PTPN14: variants seen among roughly 807,000 people sequenced by gnomAD.
PTPN14 encodes the protein tyrosine-protein phosphatase non-receptor type 14.
Under a neutral mutation model 126.8 loss-of-function variants are expected in PTPN14, and 53 were observed. The observed-to-expected ratio is 0.42, with a 90% CI of 0.34 to 0.53. The LOEUF is 0.53. PTPN14 is among the 20% of genes least tolerant of loss of function. The pLI, the probability that PTPN14 is intolerant of heterozygous loss-of-function variation, is 0.08. For missense variants in PTPN14, 1,257 were observed against 1,552.9 expected (o/e 0.81, Z 3.20); for synonymous variants, 630 against 599.3 (o/e 1.05, Z -0.75).
intron 3 of PTPN14, among the ~76,000 whole-genome samples, chr1:214,449,632 A>G (rs1005193875): frequency 6.6e-6 from 1 of 152,182 alleles, no homozygotes; most frequent in Admixed American, 6.5e-5. Context: ...AAATCATCAC[A>G]TTTTGAGGAG....
chr1:214,374,864 GA>G (rs1157360820), intron 15 of PTPN14, among the ~76,000 whole-genome samples: 1 of 152,122 alleles, frequency 6.6e-6, no homozygotes, highest in Non-Finnish European at 1.5e-5. Context: ...CTGGCCAAAA[GA>G]AGAAGATAAT....
chr1:214,486,907 G>C (rs1661125487), intron 1 of PTPN14, among the ~76,000 whole-genome samples: 1 of 39,812 alleles, frequency 2.5e-5, no homozygotes, highest in African/African-American at 1.6e-4. Context: ...CCGTAAATCT[G>C]GAAAAGTTGA....
rs1655376624 is a variant in PTPN14, at chr1:214,525,777, T to C, written c.-155+25406A>G. ...GCCTAAAACCAAAATAGCTAATTAG[T>C]GACTTGGGACTCAGGTTTCTGAAAT... is the stretch of plus-strand genomic sequence containing the variant. On this transcript the variant is annotated intron_variant, in intron 1 of 18. Transcript: ENST00000366956. Among the ~76,000 whole-genome samples the C allele has an allele frequency of 3.3e-5, 5 of 152,060 alleles. No individual in the cohort carries two copies. The South Asian group carries it at 1.0e-3, about 32-fold the overall frequency.
At chr1:214,361,740 C>T (rs11589160) in intron 18 of PTPN14, among the ~76,000 whole-genome samples, 176 of 152,290 alleles carry the variant, frequency 1.2e-3, no homozygotes, top group Non-Finnish European at 2.0e-3. Flanking sequence ...GACCATAAAA[C>T]GAGTGCTTTC....
intron 3 of PTPN14, among the ~76,000 whole-genome samples, chr1:214,436,786 CAAAAA>C (rs1159209240): frequency 2.1e-5 from 1 of 46,646 alleles, no homozygotes; most frequent in African/African-American, 7.7e-5. Context: ...GACTCCGTCT[CAAAAA>C]AAAAAAAAAA....
intron 3 of PTPN14, among the ~76,000 whole-genome samples, chr1:214,438,499 C>G (rs1464838392): frequency 6.6e-6 from 1 of 152,138 alleles, no homozygotes; most frequent in Non-Finnish European, 1.5e-5. Context: ...GAATTAGGGA[C>G]AAATTTGAAG....
rs1047037932 is a variant in PTPN14 at position 214,449,594 on chromosome 1, T to C, written c.344+2211A>G. ...GCTGTGTTCCTAGCACCGTGTAAAG[T>C]ACTCAAGGAGGATTCAAAAGCCAAC... On this transcript the variant is annotated intron_variant, in intron 3 of 18. Transcript: ENST00000366956. Among the ~76,000 whole-genome samples, 3 of 152,218 alleles carry C rather than the reference T, an allele frequency of 2.0e-5. 1 individual carries two copies. In the South Asian group the frequency reaches 6.2e-4, roughly 32 times the overall value.
chr1:214,538,494 G>A (rs1655761615), intron 1 of PTPN14, among the ~76,000 whole-genome samples: 3 of 152,200 alleles, frequency 2.0e-5, no homozygotes, highest in Admixed American at 6.5e-5. Flanking sequence ...GCCAAAGATA[G>A]GAGTGGGGAA....
chr1:214,445,735 T>A lies in PTPN14; in HGVS notation c.344+6070A>T, dbSNP rs199772673. ...GGAAGACTTGGAAAAACCCCAGACC[T>A]AAACTAAAAGCAGTGATCTTGGCCA... is the stretch of plus-strand genomic sequence containing the variant. On this transcript the variant is annotated intron_variant, in intron 3 of 18. Transcript: ENST00000366956. Among the ~76,000 whole-genome samples, 7 of 152,256 alleles carry A rather than the reference T, an allele frequency of 4.6e-5. No individual in the cohort carries two copies. In the East Asian group the frequency reaches 1.4e-3, roughly 29 times the overall value.
intron 1 of PTPN14, among the ~76,000 whole-genome samples, chr1:214,512,063 A>G (rs539562224): frequency 2.0e-4 from 31 of 152,158 alleles, no homozygotes; most frequent in Non-Finnish European, 3.8e-4. Context: ...TTAGAGGGCT[A>G]GTAAATTCTG....
At chr1:214,452,456 A>G (rs977351024) in intron 2 of PTPN14, among the ~76,000 whole-genome samples, 2 of 152,236 alleles carry the variant, frequency 1.3e-5, no homozygotes, top group African/African-American at 2.4e-5. Flanking sequence ...ATTTTCATAC[A>G]GTACCAGATT....
chr1:214,539,663 G>A (rs1435385602), intron 1 of PTPN14, among the ~76,000 whole-genome samples: 2 of 152,156 alleles, frequency 1.3e-5, no homozygotes, highest in East Asian at 3.8e-4. Flanking sequence ...GGAAGGAAGG[G>A]AAGAAGGAGG....
chr1:214,414,082 T>A (rs1244337065), intron 4 of PTPN14, among the ~76,000 whole-genome samples: 3 of 152,100 alleles, frequency 2.0e-5, no homozygotes, highest in African/African-American at 7.2e-5. Context: ...ACATAACAAT[T>A]TAGAGAAGGC....
intron 3 of PTPN14, among the ~76,000 whole-genome samples, chr1:214,422,238 A>G (rs1659560986): frequency 6.6e-6 from 1 of 152,208 alleles, no homozygotes; most frequent in South Asian, 2.1e-4. Flanking sequence ...CTACTCATTC[A>G]GTGTGAAATG....
At position 214,376,324 on chromosome 1, in the gene PTPN14, G is replaced by A. The variant is rs373145053; in HGVS notation, c.2802C>T (p.Ala934=). The A allele has an allele frequency of 2.0e-5, 33 of 1,614,004 alleles. No homozygotes were observed. Among genetic ancestry groups the A allele is most frequent in the East Asian group, 1.8e-4 (8 of 44,896 alleles). ...IFSTAALPEN[A]ERSRIREVVP... ...CAACTTCACGGATTCGGCTGCGCTCGGCGTTTTCTGGCAGAGCTGCTGTGC... is the reference window on the plus strand; with the variant it reads ...CAACTTCACGGATTCGGCTGCGCTCAGCGTTTTCTGGCAGAGCTGCTGTGC... The change falls in exon 15 of 19, where the codon GCC becomes GCT. Residue 934 remains alanine (A), a synonymous_variant. Coordinates refer to ENST00000366956, the MANE Select transcript of PTPN14 (RefSeq NM_005401.5).
At position 214,518,227 on chromosome 1, in the gene PTPN14, G is replaced by A. The variant is rs147587645; in HGVS notation, c.-155+32956C>T. 2.3e-3 allele frequency among the ~76,000 whole-genome samples: 346 copies of A among 152,270 alleles called. 1 individual carries two copies. The highest frequency in any genetic ancestry group is 6.8e-3 in the Admixed American group (104 of 15,292). On this transcript the variant is annotated intron_variant, in intron 1 of 18. Coordinates refer to ENST00000366956, the MANE Select transcript of PTPN14 (RefSeq NM_005401.5). Reference sequence around the variant, plus strand: ...TGGAGAAGATGGGAAAACACATCATGTAAAAATGTCAGAGATATTTCTACC... The same window carrying A: ...TGGAGAAGATGGGAAAACACATCATATAAAAATGTCAGAGATATTTCTACC...
At chr1:214,405,889 GC>G (rs1558088526) in intron 5 of PTPN14, among the ~76,000 whole-genome samples, 2 of 152,070 alleles carry the variant, frequency 1.3e-5, no homozygotes, top group East Asian at 1.9e-4. Context: ...TAAAAAACTT[GC>G]CCAAAGTCAT....
chr1:214,414,421 G>A (rs1184176446), intron 4 of PTPN14, among the ~76,000 whole-genome samples: 1 of 152,192 alleles, frequency 6.6e-6, no homozygotes, highest in Non-Finnish European at 1.5e-5. Flanking sequence ...ATACAAGCAT[G>A]AGCAGTTTGC....
At chr1:214,504,768 A>G (rs1316539063) in intron 1 of PTPN14, among the ~76,000 whole-genome samples, 1 of 152,112 alleles carries the variant, frequency 6.6e-6, no homozygotes, top group Non-Finnish European at 1.5e-5. Flanking sequence ...CTGGGTACAG[A>G]ATGCTGGGGA....
Sources: gnomAD v4.1 joint callset for allele counts (sites outside exome capture counted in the v4.1 genomes callset) on GRCh38, gnomAD v4.1.1 for gene constraint, MANE v1.5 for transcripts, NCBI Gene and HGNC (gene_info 2026-07-23, HGNC 2026-07-21) for gene names.